The following CADM2 variants were observed in gnomAD, a reference collection of about 807,000 sequenced individuals.
The protein encoded by CADM2 is immunoglobulin superfamily member 4D.
In CADM2, 12 loss-of-function variants were observed where a neutral mutation model predicts 49.8. The ratio of observed to expected loss-of-function variants is 0.24; its 90% CI spans 0.15 to 0.39. The LOEUF (loss-of-function observed/expected upper bound fraction) is 0.39. CADM2 is among the 10% of genes least tolerant of loss of function. CADM2 has a pLI of 1.00. For synonymous variants in CADM2, 214 were observed against 175.4 expected, an observed-to-expected ratio of 1.22 and a Z score of -1.74; for missense variants, 378 against 492.3, an observed-to-expected ratio of 0.77 and a Z score of 2.20.
intron 1 of CADM2, among the ~76,000 whole-genome samples, chr3:85,564,704 AT>A (rs1210953189): frequency 3.9e-5 from 6 of 152,040 alleles, no homozygotes; most frequent in African/African-American, 9.7e-5. Flanking sequence ...TATGTTAATG[AT>A]TTTTTTAATT....
intron 1 of CADM2, among the ~76,000 whole-genome samples, chr3:85,293,819 C>T (rs1270544503): frequency 6.7e-6 from 1 of 148,190 alleles, no homozygotes; most frequent in Non-Finnish European, 1.5e-5. Context: ...ATGACAAACC[C>T]ACAGCCAATA....
At chr3:85,667,581 T>C (rs564977444) in intron 1 of CADM2, among the ~76,000 whole-genome samples, 1 of 152,116 alleles carries the variant, frequency 6.6e-6, no homozygotes, top group South Asian at 2.1e-4. Context: ...AAAGACCTAA[T>C]TCAGGATAAC....
chr3:85,782,555 C>T (rs1312102499), intron 2 of CADM2, among the ~76,000 whole-genome samples: 1 of 150,792 alleles, frequency 6.6e-6, no homozygotes, highest in Non-Finnish European at 1.5e-5. Context: ...ACTTTGGAGG[C>T]TGAGGCAGGA....
At chr3:85,676,341 T>TGGAATTTTATGGA (rs1353646119) in intron 1 of CADM2, among the ~76,000 whole-genome samples, 1 of 152,198 alleles carries the variant, frequency 6.6e-6, no homozygotes, top group Non-Finnish European at 1.5e-5. Flanking sequence ...TGGCATAAAA[T>TGGAATTTTATGGA]ATCTGCCTTG....
At chr3:85,175,532 G>A (rs2040757366) in intron 1 of CADM2, among the ~76,000 whole-genome samples, 1 of 152,154 alleles carries the variant, frequency 6.6e-6, no homozygotes, top group Non-Finnish European at 1.5e-5. Context: ...CCTCTTGCAC[G>A]ATGTTCCTAG....
chr3:85,596,476 G>T (rs73843685), intron 1 of CADM2, among the ~76,000 whole-genome samples: 2,387 of 152,094 alleles, frequency 0.016, 74 homozygotes, highest in African/African-American at 0.054. Context: ...ATATAAAATG[G>T]TGACTGATAT....
chr3:85,224,438 G>A (rs953734981), intron 1 of CADM2, among the ~76,000 whole-genome samples: 1 of 151,894 alleles, frequency 6.6e-6, no homozygotes, highest in Non-Finnish European at 1.5e-5. Flanking sequence ...CCCATTTTTT[G>A]ATGGCATTGT....
Position 86,023,215 on chromosome 3 carries a change from C to T in CADM2, c.971-42390C>T, listed in dbSNP as rs10511066. Among the ~76,000 whole-genome samples, 900 of 152,184 alleles carry T rather than the reference C, an allele frequency of 5.9e-3. 9 individuals carry two copies. Among genetic ancestry groups the T allele is most frequent in the East Asian group, 0.05 (257 of 5,182 alleles). On this transcript the variant is annotated intron_variant, in intron 8 of 9. Coordinates refer to ENST00000383699, the MANE Select transcript of CADM2 (RefSeq NM_001167675.2). ...AAATTTTTTCTTTCAAATTCCAATA[C>T]GTATAAACAAATGTAACACAAGTAA...
At chr3:85,143,498 T>C (rs1024846309) in intron 1 of CADM2, among the ~76,000 whole-genome samples, 9 of 152,154 alleles carry the variant, frequency 5.9e-5, no homozygotes, top group Non-Finnish European at 1.0e-4. Flanking sequence ...ATTAATATGA[T>C]TGTGAAAATC....
chr3:85,192,445 T>G (rs1024654239), intron 1 of CADM2, among the ~76,000 whole-genome samples: 2 of 151,976 alleles, frequency 1.3e-5, no homozygotes, highest in Non-Finnish European at 2.9e-5. Flanking sequence ...CCTTAGCCAT[T>G]GCAAAGACAG....
intron 1 of CADM2, among the ~76,000 whole-genome samples, chr3:85,244,204 T>A (rs1160424129): frequency 2.6e-5 from 4 of 152,130 alleles, no homozygotes; most frequent in Non-Finnish European, 5.9e-5. Flanking sequence ...GACCACTTTT[T>A]CAGTCTCTAG....
At chr3:84,961,289 A>T (rs1312326300) in intron 1 of CADM2, among the ~76,000 whole-genome samples, 2 of 152,166 alleles carry the variant, frequency 1.3e-5, no homozygotes, top group Non-Finnish European at 2.9e-5. Flanking sequence ...TATGAATGTG[A>T]AAAAAGAGGC....
intron 1 of CADM2, among the ~76,000 whole-genome samples, chr3:85,487,232 C>T (rs570492466): frequency 7.2e-5 from 11 of 152,238 alleles, no homozygotes; most frequent in Admixed American, 5.2e-4. Context: ...TCAGAAGATA[C>T]GGCTGGGCAC....
chr3:85,945,766 A>T (rs548472371), intron 7 of CADM2, among the ~76,000 whole-genome samples: 2,768 of 152,258 alleles, frequency 0.018, 77 homozygotes, highest in African/African-American at 0.062. Flanking sequence ...TTAGGTATTG[A>T]TGGGACGTAT....
At chr3:85,257,378 A>G (rs73130751) in intron 1 of CADM2, among the ~76,000 whole-genome samples, 15,816 of 152,044 alleles carry the variant, frequency 0.1, 1,118 homozygotes, top group Non-Finnish European at 0.16. Flanking sequence ...AGTATATTCT[A>G]CTCTTCCTAG....
chr3:86,044,933 A>T (rs550624029), intron 8 of CADM2, among the ~76,000 whole-genome samples: 10 of 152,256 alleles, frequency 6.6e-5, no homozygotes, highest in African/African-American at 1.9e-4. Flanking sequence ...GCTGGAAACC[A>T]TCATTCTCAG....
intron 8 of CADM2, among the ~76,000 whole-genome samples, chr3:85,967,692 GC>G (rs553896891): frequency 5.4e-4 from 82 of 151,626 alleles, no homozygotes; most frequent in Middle Eastern, 3.4e-3. Context: ...AAGATTGCCA[GC>G]CCCTGCAACG....
At chr3:85,766,356 G>A (rs1262777745) in intron 2 of CADM2, among the ~76,000 whole-genome samples, 1 of 152,104 alleles carries the variant, frequency 6.6e-6, no homozygotes, top group African/African-American at 2.4e-5. Flanking sequence ...CAGGGCCCCA[G>A]AACATACTAG....
intron 1 of CADM2, among the ~76,000 whole-genome samples, chr3:84,986,684 C>T (rs998175852): frequency 1.3e-5 from 2 of 151,704 alleles, no homozygotes; most frequent in African/African-American, 4.8e-5. Flanking sequence ...AGCACACCAG[C>T]ATGGCACATG....
Sources: gnomAD v4.1 joint callset for allele counts (sites outside exome capture counted in the v4.1 genomes callset) on GRCh38, gnomAD v4.1.1 for gene constraint, MANE v1.5 for transcripts, NCBI Gene and HGNC (gene_info 2026-07-23, HGNC 2026-07-21) for gene names.